The following MAML2 variants were observed in gnomAD, a reference collection of about 807,000 sequenced individuals.
The protein encoded by MAML2 is mastermind like transcriptional coactivator 2, also known as mastermind-like protein 2.
In MAML2, 22 loss-of-function variants were observed where a neutral mutation model predicts 96.1. The ratio of observed to expected loss-of-function variants is 0.23; its 90% CI spans 0.16 to 0.33. The LOEUF is 0.33. MAML2 is among the 10% of genes least tolerant of loss of function. MAML2 has a pLI of 1.00. For synonymous variants in MAML2, 561 were observed against 521.3 expected (o/e 1.08, Z -1.04); for missense variants, 1,367 against 1,392.4 (o/e 0.98, Z 0.29).
At chr11:96,230,855 G>C (rs145975724) in intron 1 of MAML2, among the ~76,000 whole-genome samples, 1 of 152,320 alleles carries the variant, frequency 6.6e-6, no homozygotes, top group East Asian at 1.9e-4. Context: ...CCAAATAGCG[G>C]TGTTGTAAGA....
chr11:96,093,528 GA>G lies in MAML2; in HGVS notation c.514-12del. On this transcript the variant is annotated splice_polypyrimidine_tract_variant and intron_variant, in intron 1 of 4. Coordinates refer to ENST00000524717, the MANE Select transcript of MAML2 (RefSeq NM_032427.4). ...CAAGGAACCCTGGAGCTGAAAGACA[GA>G]AGGGAATAAAAAGGAAAAATAAGAA... The G allele has an allele frequency of 1.3e-6, 2 of 1,546,158 alleles. No homozygotes were observed. The highest frequency in any genetic ancestry group is 1.2e-5 in the South Asian group (1 of 82,942).
At chr11:95,998,122 A>ATCTGTCTGTCTGTCAGTCTGTCTG (rs1341774738) in intron 2 of MAML2, among the ~76,000 whole-genome samples, 128 of 117,432 alleles carry the variant, frequency 1.1e-3, no homozygotes, top group East Asian at 4.1e-3. Context: ...TTTTCTATCT[A>ATCTGTCTGTCTGTCAGTCTGTCTG]TCTGTCTGTC....
chr11:96,192,766 T>C (rs1267340219), intron 1 of MAML2, among the ~76,000 whole-genome samples: 1 of 152,218 alleles, frequency 6.6e-6, no homozygotes, highest in Admixed American at 6.5e-5. Context: ...CGGTTATCTA[T>C]ACTTAGGATG....
chr11:96,271,558 A>G (rs1350373673), intron 1 of MAML2, among the ~76,000 whole-genome samples: 1 of 152,156 alleles, frequency 6.6e-6, no homozygotes, highest in Non-Finnish European at 1.5e-5. Context: ...GATAGTGAGC[A>G]AGTTCTCATG....
intron 2 of MAML2, among the ~76,000 whole-genome samples, chr11:96,038,838 C>G (rs571107522): frequency 2.0e-5 from 3 of 152,252 alleles, no homozygotes; most frequent in African/African-American, 7.2e-5. Flanking sequence ...GAAACCTAGC[C>G]CTATCAAAGA....
chr11:96,286,627 C>T (rs1192057304), intron 1 of MAML2, among the ~76,000 whole-genome samples: 3 of 142,632 alleles, frequency 2.1e-5, no homozygotes, highest in African/African-American at 2.6e-5. Context: ...TTCTTTTTAT[C>T]TTTTTTTTTT....
At chr11:96,056,141 A>T (rs1859063157) in intron 2 of MAML2, among the ~76,000 whole-genome samples, 1 of 152,138 alleles carries the variant, frequency 6.6e-6, no homozygotes, top group Non-Finnish European at 1.5e-5. Context: ...GATGGAACCA[A>T]ATTACTTTTG....
chr11:96,084,076 A>G (rs1859569357), intron 2 of MAML2, among the ~76,000 whole-genome samples: 1 of 152,112 alleles, frequency 6.6e-6, no homozygotes, highest in African/African-American at 2.4e-5. Flanking sequence ...AAAGCATGAC[A>G]CTTCTCAGGA....
intron 1 of MAML2, among the ~76,000 whole-genome samples, chr11:96,232,687 G>T (rs1028091963): frequency 9.5e-4 from 144 of 152,238 alleles, no homozygotes; most frequent in African/African-American, 3.0e-3. Context: ...TAGCCAGGAC[G>T]GTCTCGATCT....
intron 1 of MAML2, among the ~76,000 whole-genome samples, chr11:96,266,845 G>A (rs1862835314): frequency 6.6e-6 from 1 of 152,142 alleles, no homozygotes; most frequent in South Asian, 2.1e-4. Context: ...TGGAAATGTG[G>A]TTAATAATGA....
chr11:96,268,602 C>G (rs576602361), intron 1 of MAML2, among the ~76,000 whole-genome samples: 1 of 152,210 alleles, frequency 6.6e-6, no homozygotes, highest in Non-Finnish European at 1.5e-5. Context: ...GCTGTGTCCC[C>G]ACCCAAATTG....
chr11:96,282,861 C>T (rs905644932), intron 1 of MAML2, among the ~76,000 whole-genome samples: 6 of 152,172 alleles, frequency 3.9e-5, no homozygotes, highest in African/African-American at 1.2e-4. Flanking sequence ...CTCCTTCTCC[C>T]TTCCCCTTTT....
chr11:95,979,872 C>G lies in MAML2; in HGVS notation c.2547G>C (p.Leu849=), dbSNP rs780884093. The change falls in exon 5 of 5, where the codon CTG becomes CTC. Residue 849 remains leucine, a synonymous_variant. Coordinates refer to ENST00000524717, the MANE Select transcript of MAML2 (RefSeq NM_032427.4). The stretch of plus-strand genomic sequence containing the variant: ...GCATTCTTGTCCCGTGAGAAGTAGA[C>G]AGGAGGCTGGAATTGGGAGTTAAAA... ...HTILTPNSSL[L]STSHGTRMPS... The G allele has an allele frequency of 1.2e-6, 2 of 1,613,892 alleles. No homozygotes were observed. Among genetic ancestry groups the G allele is most frequent in the South Asian group, 2.2e-5 (2 of 91,076 alleles).
In MAML2 at chr11:96,315,220, G is replaced by T. The variant is rs534802411; in HGVS notation, c.513+26163C>A. On this transcript the variant is annotated intron_variant, in intron 1 of 4. Coordinates refer to ENST00000524717, the MANE Select transcript of MAML2 (RefSeq NM_032427.4). ...CTAATGTAGATGGAAGGTGGGGAAT[G>T]GTATTGAAAAAATGAGGACAAAACG... 9.7e-3 allele frequency among the ~76,000 whole-genome samples: 1,086 copies of T among 111,904 alleles called. 10 individuals carry two copies. Among genetic ancestry groups the T allele is most frequent in the African/African-American group, 0.04 (982 of 24,658 alleles). 73.4% of individuals were successfully genotyped at this position (111,904 alleles called of 152,430 possible).
chr11:96,335,312 G>C (rs1340498444), intron 1 of MAML2, among the ~76,000 whole-genome samples: 1 of 152,086 alleles, frequency 6.6e-6, no homozygotes, highest in African/African-American at 2.4e-5. Context: ...TTCCACATTA[G>C]TATACAGGCA....
intron 1 of MAML2, among the ~76,000 whole-genome samples, chr11:96,115,560 T>TG (rs1860221499): frequency 6.6e-6 from 1 of 152,080 alleles, no homozygotes; most frequent in Non-Finnish European, 1.5e-5. Context: ...GTGTCTCATC[T>TG]GTTACCTCCT....
At chr11:96,020,663 T>G (rs533207203) in intron 2 of MAML2, among the ~76,000 whole-genome samples, 2 of 152,358 alleles carry the variant, frequency 1.3e-5, no homozygotes, top group African/African-American at 4.8e-5. Context: ...ATGGATACAC[T>G]ACTGTGAGCT....
intron 1 of MAML2, among the ~76,000 whole-genome samples, chr11:96,295,842 C>A (rs912310446): frequency 2.6e-5 from 4 of 151,208 alleles, no homozygotes; most frequent in African/African-American, 9.7e-5. Flanking sequence ...CATCCACAAC[C>A]TTCTTTTTAT....
chr11:96,341,608 G>A lies in MAML2; in HGVS notation c.288C>T (p.Thr96=), dbSNP rs1290948687. 6.4e-7 allele frequency: 1 copy of A among 1,551,828 alleles called. No homozygotes were observed. The highest frequency in any genetic ancestry group is 1.2e-5 in the South Asian group (1 of 84,086). The part of the protein sequence containing the change: ...ARKAGKHTKA[T]ATAATTTAPP... ...GGGCTGTAGTGGTGGCAGCAGTGGC[G>A]GTGGCCTTGGTGTGTTTGCCAGCTT... Residue 96 remains threonine (T), a synonymous_variant, in exon 1 of 5, where the codon ACC becomes ACT. Coordinates refer to ENST00000524717, the MANE Select transcript of MAML2 (RefSeq NM_032427.4).
Sources: gnomAD v4.1 joint callset for allele counts (sites outside exome capture counted in the v4.1 genomes callset) on GRCh38, gnomAD v4.1.1 for gene constraint, MANE v1.5 for transcripts, NCBI Gene and HGNC (gene_info 2026-07-23, HGNC 2026-07-21) for gene names.